The following TRAF2 variants were observed in gnomAD, a reference collection of about 807,000 sequenced individuals.
The protein encoded by TRAF2 is TNF receptor associated factor 2.
A neutral mutation model predicts 55.6 loss-of-function variants in TRAF2; 6 were observed. That is an observed-to-expected ratio of 0.11 (90% CI 0.06 to 0.21). The LOEUF (loss-of-function observed/expected upper bound fraction) is 0.21, where lower values mean the gene tolerates loss of function less well. Ranked by LOEUF, TRAF2 falls within the 10% of genes least tolerant of loss-of-function variation. The pLI, the probability that TRAF2 is intolerant of heterozygous loss-of-function variation, is 1.00. For missense variants in TRAF2, 561 were observed against 684.5 expected, an observed-to-expected ratio of 0.82 and a Z score of 2.01; for synonymous variants, 329 against 276.3, an observed-to-expected ratio of 1.19 and a Z score of -1.89.
At chr9:136,908,871 GAAAAA>G (rs11418746) in intron 5 of TRAF2, among the ~76,000 whole-genome samples, 1 of 84,464 alleles carries the variant, frequency 1.2e-5, no homozygotes, top group African/African-American at 5.0e-5. Context: ...TTCCGTCTCG[GAAAAA>G]AAAAAAAAAA....
At chr9:136,911,708 G>C (rs972445072) in intron 6 of TRAF2, among the ~76,000 whole-genome samples, 1 of 152,134 alleles carries the variant, frequency 6.6e-6, no homozygotes, top group African/African-American at 2.4e-5. Context: ...TTCAATGCAG[G>C]CCGACATATA....
At chr9:136,885,476 G>A (rs1217658642), upstream of TRAF2, among the ~76,000 whole-genome samples, 1 of 152,152 alleles carries the variant, frequency 6.6e-6, no homozygotes, top group African/African-American at 2.4e-5. Context: ...AGGACTCCTA[G>A]GGCAGCCCCT....
intron 5 of TRAF2, among the ~76,000 whole-genome samples, chr9:136,908,739 G>A (rs1391551112): frequency 6.6e-6 from 1 of 152,088 alleles, no homozygotes; most frequent in Non-Finnish European, 1.5e-5. Flanking sequence ...GCATGGTGGC[G>A]GGCGCCTGCA....
At chr9:136,887,426 A>G (rs1849478952) in intron 1 of TRAF2, among the ~76,000 whole-genome samples, 1 of 152,032 alleles carries the variant, frequency 6.6e-6, no homozygotes, top group Non-Finnish European at 1.5e-5. Flanking sequence ...AGAGCTGGGT[A>G]TTTTGGAGTT....
At chr9:136,906,615 T>C (rs917434240) in intron 4 of TRAF2, among the ~76,000 whole-genome samples, 4 of 152,096 alleles carry the variant, frequency 2.6e-5, no homozygotes, top group African/African-American at 9.7e-5. Flanking sequence ...AGCCAAACCA[T>C]ATCAGTGACA....
intron 4 of TRAF2, among the ~76,000 whole-genome samples, chr9:136,900,926 A>G (rs1273088987): frequency 6.6e-6 from 1 of 152,082 alleles, no homozygotes; most frequent in African/African-American, 2.4e-5. Context: ...GTGCACCAGG[A>G]CCTGCAGCTT....
intron 1 of TRAF2, among the ~76,000 whole-genome samples, chr9:136,888,793 C>G (rs1248045595): frequency 6.6e-6 from 1 of 152,168 alleles, no homozygotes; most frequent in Non-Finnish European, 1.5e-5. Context: ...TAGTGAAGGC[C>G]TCTGATTTCT....
intron 6 of TRAF2, among the ~76,000 whole-genome samples, chr9:136,914,224 A>T (rs1469941389): frequency 6.6e-6 from 1 of 152,148 alleles, no homozygotes; most frequent in Non-Finnish European, 1.5e-5. Context: ...TTCCAGTTCC[A>T]TGGACGGCCC....
At chr9:136,904,213 T>C (rs1480872841) in intron 4 of TRAF2, among the ~76,000 whole-genome samples, 1 of 152,118 alleles carries the variant, frequency 6.6e-6, no homozygotes, top group East Asian at 1.9e-4. Flanking sequence ...TTTATTACTA[T>C]TATTTTTAGA....
chr9:136,924,964 C>T (rs931365674), intron 10 of TRAF2, among the ~76,000 whole-genome samples: 3 of 152,192 alleles, frequency 2.0e-5, no homozygotes, highest in Non-Finnish European at 4.4e-5. Context: ...GTCTTGATCT[C>T]CTGACCTTGT....
At chr9:136,883,230 A>G (rs1849394907), upstream of TRAF2, among the ~76,000 whole-genome samples, 1 of 152,118 alleles carries the variant, frequency 6.6e-6, no homozygotes, top group Non-Finnish European at 1.5e-5. Context: ...AATTAAACAA[A>G]GGCATTTTCA....
intron 10 of TRAF2, among the ~76,000 whole-genome samples, chr9:136,924,882 G>A (rs921356241): frequency 2.6e-5 from 4 of 152,006 alleles, no homozygotes; most frequent in Admixed American, 1.3e-4. Context: ...GGGACTACAG[G>A]CATGCACCAC....
At chr9:136,913,651 G>T (rs142649746) in intron 6 of TRAF2, among the ~76,000 whole-genome samples, 451 of 152,228 alleles carry the variant, frequency 3.0e-3, no homozygotes, top group Non-Finnish European at 5.1e-3. Flanking sequence ...GTTTATGTCA[G>T]CTGTGGTATA....
At position 136,921,221 on chromosome 9, in the gene TRAF2, G is replaced by T. The variant is rs752780705; in HGVS notation, c.1138+6G>T. The T allele has an allele frequency of 2.9e-5, 46 of 1,613,442 alleles. No individual in the cohort carries two copies. The highest frequency in any genetic ancestry group is 2.3e-4 in the Admixed American group (14 of 60,018). ...ACCCGCCATCTTCTCCCCAGGTGTG[G>T]TTCTAGGACCCCCACCTCACTGCAG... On this transcript the variant is annotated splice_donor_region_variant and intron_variant, in intron 9 of 10. Transcript: ENST00000247668.
upstream of TRAF2, among the ~76,000 whole-genome samples, chr9:136,885,290 T>C (rs1212751509): frequency 4.6e-5 from 7 of 152,280 alleles, no homozygotes; most frequent in African/African-American, 1.4e-4. Context: ...GGAGGAGACT[T>C]ACCTCCGTGA....
intron 4 of TRAF2, among the ~76,000 whole-genome samples, chr9:136,904,091 T>TGCCAGCCTTC (rs937872233): frequency 2.0e-5 from 3 of 152,132 alleles, no homozygotes; most frequent in African/African-American, 4.8e-5. Context: ...CCGCAGCACC[T>TGCCAGCCTTC]GCCAGCCTTC....
At chr9:136,906,230 ATTC>A (rs1436784507) in intron 4 of TRAF2, among the ~76,000 whole-genome samples, 1 of 152,174 alleles carries the variant, frequency 6.6e-6, no homozygotes, top group East Asian at 1.9e-4. Context: ...AGTGACCTGT[ATTC>A]TTACCCCTGC....
chr9:136,915,449 C>T (rs1588439613), intron 6 of TRAF2, among the ~76,000 whole-genome samples: 2 of 152,232 alleles, frequency 1.3e-5, no homozygotes, highest in South Asian at 2.1e-4. Flanking sequence ...GCCGTGGATC[C>T]AGCCAACCGT....
intron 10 of TRAF2, among the ~76,000 whole-genome samples, chr9:136,924,927 T>G (rs17250666): frequency 6.6e-6 from 1 of 152,056 alleles, no homozygotes; most frequent in Non-Finnish European, 1.5e-5. Context: ...TTAGTAGAGA[T>G]GGGGTTTCTC....
Sources: allele counts gnomAD v4.1 joint callset (sites outside exome capture counted in the v4.1 genomes callset), GRCh38; gene constraint gnomAD v4.1.1; transcripts MANE v1.5; gene names NCBI Gene and HGNC (gene_info 2026-07-23, HGNC 2026-07-21).